The following BARX2 variants were observed in gnomAD, a reference collection of about 807,000 sequenced individuals.
BARX2 encodes the protein BARX homeobox 2.
In BARX2, 11 loss-of-function variants were observed where a neutral mutation model predicts 25.5. The observed-to-expected ratio is 0.43, with a 90% CI of 0.27 to 0.71. BARX2 has a LOEUF of 0.71. Ranked by LOEUF, BARX2 falls within the 30% of genes least tolerant of loss-of-function variation. The pLI is 0.19. For synonymous variants in BARX2, 137 were observed against 149.5 expected (o/e 0.92, Z 0.61); for missense variants, 360 against 359.9 (o/e 1.00, Z 0.00).
intron 1 of BARX2, among the ~76,000 whole-genome samples, chr11:129,418,187 C>CG (rs1333644686): frequency 1.3e-5 from 2 of 152,162 alleles, no homozygotes; most frequent in African/African-American, 4.8e-5. Flanking sequence ...CTATTGATAT[C>CG]TATCTCTAGG....
chr11:129,413,673 C>A (rs1053530495), intron 1 of BARX2, among the ~76,000 whole-genome samples: 1 of 151,810 alleles, frequency 6.6e-6, no homozygotes, highest in African/African-American at 2.4e-5. Context: ...AGCTTAGGGG[C>A]CTGAGAGAGG....
At chr11:129,404,127 A>G (rs892318865) in intron 1 of BARX2, among the ~76,000 whole-genome samples, 2 of 152,230 alleles carry the variant, frequency 1.3e-5, no homozygotes, top group Non-Finnish European at 2.9e-5. Context: ...ACCCATACCT[A>G]CACACATTGC....
Position 129,436,688 on chromosome 11 carries a change from A to G in BARX2, c.188-63A>G, listed in dbSNP as rs1862192544. 14 of 1,495,802 alleles carry G rather than the reference A, an allele frequency of 9.4e-6. No individual in the cohort carries two copies. The South Asian group carries it at 1.9e-4, about 20-fold the overall frequency. 92.7% of individuals were successfully genotyped at this position (1,495,802 alleles called of 1,614,324 possible). A position where few individuals can be genotyped will look rare whatever the true frequency, so the allele number is the denominator to read the frequency against. On this transcript the variant is annotated intron_variant, in intron 1 of 3. Coordinates refer to ENST00000281437, the MANE Select transcript of BARX2 (RefSeq NM_003658.5). The surrounding 1 kb of genome is among the most constrained non-coding windows in gnomAD (Gnocchi z 4.5). ...CAGACCTCAGCCAGCGGCCCTCCGC[A>G]GGTCCTGGCCTGCTTCCCCACACCG...
chr11:129,430,074 A>G (rs1862112286), intron 1 of BARX2, among the ~76,000 whole-genome samples: 1 of 151,990 alleles, frequency 6.6e-6, no homozygotes, highest in African/African-American at 2.4e-5. Flanking sequence ...GCCCTTGGGA[A>G]GGGTAGTTTT....
intron 1 of BARX2, among the ~76,000 whole-genome samples, chr11:129,420,898 CA>C (rs1417896189): frequency 1.3e-5 from 2 of 152,146 alleles, no homozygotes; most frequent in Non-Finnish European, 2.9e-5. Flanking sequence ...TAATATTAGT[CA>C]TAAAATCATT....
intron 2 of BARX2, among the ~76,000 whole-genome samples, chr11:129,438,718 G>T (rs1862222147): frequency 6.6e-6 from 1 of 152,216 alleles, no homozygotes; most frequent in Non-Finnish European, 1.5e-5. Flanking sequence ...AGTCGAGAGA[G>T]TCCTGTTGTG....
At chr11:129,441,688 G>A (rs1320543661) in intron 2 of BARX2, among the ~76,000 whole-genome samples, 1 of 152,124 alleles carries the variant, frequency 6.6e-6, no homozygotes, top group Non-Finnish European at 1.5e-5. Context: ...GACCTCAGGT[G>A]ATCCACCCGC....
chr11:129,390,828 A>G lies in BARX2; in HGVS notation c.187+14606A>G, dbSNP rs1861658868. Reference sequence around the variant, plus strand: ...TAATGGTGCATTCAAAAATTTCATCATCCTGGGTCACAAAAGATCATGACG... The same window carrying G: ...TAATGGTGCATTCAAAAATTTCATCGTCCTGGGTCACAAAAGATCATGACG... On this transcript the variant is annotated intron_variant, in intron 1 of 3. Transcript: ENST00000281437. The surrounding 1 kb of genome is among the most constrained non-coding windows in gnomAD (Gnocchi z 4.3). 6.6e-6 allele frequency among the ~76,000 whole-genome samples: 1 copy of G among 152,214 alleles called. No homozygotes were observed. The highest frequency in any genetic ancestry group is 2.4e-5 in the African/African-American group (1 of 41,460).
intron 3 of BARX2, among the ~76,000 whole-genome samples, chr11:129,443,340 T>TCAAA (rs1166595914): frequency 6.6e-6 from 1 of 152,176 alleles, no homozygotes; most frequent in Non-Finnish European, 1.5e-5. Flanking sequence ...GCTAGCCTTT[T>TCAAA]CAAACAACTT....
intron 1 of BARX2, among the ~76,000 whole-genome samples, chr11:129,420,042 A>G (rs1398264839): frequency 6.6e-6 from 1 of 151,978 alleles, no homozygotes; most frequent in Non-Finnish European, 1.5e-5. Flanking sequence ...CGGCCTCCCA[A>G]AGTGCTGGGA....
At position 129,436,368 on chromosome 11, in the gene BARX2, C is replaced by T; in HGVS notation, c.188-383C>T. ...CCACAGGTGGTTCTCAGGAAGTTTGCATATTACAAATCTATTTCGGGTTTC... is the reference window on the plus strand; with the variant it reads ...CCACAGGTGGTTCTCAGGAAGTTTGTATATTACAAATCTATTTCGGGTTTC... On this transcript the variant is annotated intron_variant, in intron 1 of 3. Transcript: ENST00000281437. This position sits in a 1 kb window ranked among gnomAD's most constrained non-coding sequence, Gnocchi z 4.5. 1 of 210,224 alleles carries T rather than the reference C, an allele frequency of 4.8e-6. No individual in the cohort carries two copies. Among genetic ancestry groups the T allele is most frequent in the Non-Finnish European group, 9.4e-6 (1 of 106,358 alleles). 13.0% of individuals were successfully genotyped at this position (210,224 alleles called of 1,614,324 possible).
chr11:129,431,103 C>G (rs992445345), intron 1 of BARX2, among the ~76,000 whole-genome samples: 2 of 152,086 alleles, frequency 1.3e-5, no homozygotes, highest in African/African-American at 4.8e-5. Flanking sequence ...CTCAAGAGAT[C>G]TACCACCTCG....
rs1225533048 is a variant in BARX2 at position 129,451,263 on chromosome 11, T to TGGAGCCC, written c.702_708dup (p.Ser237GlyfsTer11). ...AGCCAGGCCCAGGGTCAGGAGCAGC[T>TGGAGCCC]GGAGCCCTCTCAGGGGCAGGAGGAG... On this transcript the variant is annotated frameshift_variant, in exon 4 of 4. Coordinates refer to ENST00000281437, the MANE Select transcript of BARX2 (RefSeq NM_003658.5). LOFTEE classifies it low-confidence loss of function (END_TRUNC). The TGGAGCCC allele has an allele frequency of 6.2e-7, 1 of 1,614,162 alleles. No homozygotes were observed.
intron 2 of BARX2, chr11:129,442,612 C>T: frequency 3.7e-6 from 2 of 538,828 alleles, no homozygotes; most frequent in Non-Finnish European, 6.7e-6. Flanking sequence ...GGGACTGGCC[C>T]AGGTGTCCTC....
chr11:129,388,394 G>A (rs1010700376), intron 1 of BARX2, among the ~76,000 whole-genome samples: 6 of 152,054 alleles, frequency 3.9e-5, no homozygotes, highest in African/African-American at 1.2e-4. Context: ...GTCTGTGTCC[G>A]TGTCTGTGTA....
intron 1 of BARX2, among the ~76,000 whole-genome samples, chr11:129,393,446 A>G (rs902856462): frequency 9.2e-5 from 14 of 151,806 alleles, no homozygotes. Context: ...TTCTATTATT[A>G]CTGATTTGAT....
At chr11:129,431,480 G>A (rs1276693530) in intron 1 of BARX2, among the ~76,000 whole-genome samples, 5 of 152,104 alleles carry the variant, frequency 3.3e-5, no homozygotes, top group Non-Finnish European at 5.9e-5. Flanking sequence ...CATTAAAAAC[G>A]TCAACTGTTC....
chr11:129,403,505 T>C (rs968372937), intron 1 of BARX2, among the ~76,000 whole-genome samples: 3 of 152,112 alleles, frequency 2.0e-5, no homozygotes, highest in African/African-American at 7.2e-5. Flanking sequence ...TCTGGGAGTG[T>C]TTCCCCAGCT....
intron 1 of BARX2, among the ~76,000 whole-genome samples, chr11:129,410,593 T>G (rs1486073316): frequency 1.3e-5 from 2 of 152,164 alleles, no homozygotes; most frequent in Non-Finnish European, 2.9e-5. Context: ...AATGAATATG[T>G]GCACACCCTG....
Sources: allele counts gnomAD v4.1 joint callset (sites outside exome capture counted in the v4.1 genomes callset), GRCh38; gene constraint gnomAD v4.1.1; non-coding constraint Gnocchi (gnomAD v3.1); transcripts MANE v1.5; gene names NCBI Gene and HGNC (gene_info 2026-07-23, HGNC 2026-07-21).